Variants in SCAP observed in about 807,000 individuals in gnomAD.
SCAP encodes the protein sterol regulatory element-binding protein cleavage-activating protein.
In SCAP, 65 loss-of-function variants were observed where a neutral mutation model predicts 123.6. That is an observed-to-expected ratio of 0.53 (90% CI 0.43 to 0.65). SCAP has a LOEUF of 0.65. Ranked by LOEUF, SCAP falls within the 30% of genes least tolerant of loss-of-function variation. SCAP has a pLI of 0.00. For synonymous variants in SCAP, 740 were observed against 726.3 expected, an observed-to-expected ratio of 1.02 and a Z score of -0.30; for missense variants, 1,398 against 1,712.5, an observed-to-expected ratio of 0.82 and a Z score of 3.24.
intron 18 of SCAP, 145 bp from the exon 19 acceptor site, chr3:47,415,325 T>C: frequency 3.0e-6 from 2 of 664,370 alleles, no homozygotes; most frequent in Non-Finnish European, 4.9e-6. Flanking sequence ...CCAGAACAGA[T>C]GCTGGAGCCA....
intron 1 of SCAP, among the ~76,000 whole-genome samples, chr3:47,448,829 T>C (rs1295575923): frequency 6.6e-6 from 1 of 152,244 alleles, no homozygotes; most frequent in Non-Finnish European, 1.5e-5. Flanking sequence ...ATCTGTGTCA[T>C]GTTGTGGTTG....
intron 1 of SCAP, among the ~76,000 whole-genome samples, chr3:47,474,413 T>C (rs1003487472): frequency 6.6e-6 from 1 of 152,250 alleles, no homozygotes; most frequent in African/African-American, 2.4e-5. Context: ...TATATTTATA[T>C]AGTGTTTTTT....
chr3:47,436,226 C>T (rs1706571572), intron 2 of SCAP, among the ~76,000 whole-genome samples: 1 of 152,058 alleles, frequency 6.6e-6, no homozygotes, highest in African/African-American at 2.4e-5. Flanking sequence ...AAGGGACAGA[C>T]CATGAAAATT....
chr3:47,470,941 A>G (rs534605084), intron 1 of SCAP, among the ~76,000 whole-genome samples: 2 of 152,314 alleles, frequency 1.3e-5, no homozygotes, highest in African/African-American at 4.8e-5. Context: ...AGTAACACCT[A>G]TCAATTAATA....
chr3:47,451,554 C>T lies in SCAP; in HGVS notation c.-98-8463G>A, dbSNP rs778689239. Among the ~76,000 whole-genome samples the T allele has an allele frequency of 5.0e-5, 6 of 120,202 alleles. 3 individuals are homozygous for T. The highest frequency in any genetic ancestry group is 1.1e-4 in the Non-Finnish European group (6 of 54,910). The allele number at this position is 120,202 out of a possible 152,430, so 78.9% of individuals were successfully genotyped here. ...CTAGGACTATAGGCGTGCACCACCA[C>T]ACCCAACGAAATGTTTGTATTTTTA... On this transcript the variant is annotated intron_variant, in intron 1 of 22. Transcript: ENST00000265565.
At chr3:47,437,167 C>T (rs1041388426) in intron 2 of SCAP, among the ~76,000 whole-genome samples, 2 of 152,090 alleles carry the variant, frequency 1.3e-5, no homozygotes, top group Non-Finnish European at 2.9e-5. Context: ...GGGCCAGGCA[C>T]AGTGGCTCAC....
intron 6 of SCAP, 133 bp from the exon 7 acceptor site, chr3:47,426,302 C>T (rs751632124): frequency 5.5e-5 from 48 of 865,630 alleles, no homozygotes; most frequent in Non-Finnish European, 7.9e-5. Flanking sequence ...TCTATGGTGC[C>T]TGAGCTTCTC....
intron 8 of SCAP, 69 bp downstream of exon 8, chr3:47,425,416 A>T: frequency 6.5e-7 from 1 of 1,528,302 alleles, no homozygotes; most frequent in East Asian, 2.3e-5. Flanking sequence ...GAAGGCCAAG[A>T]ACCCAGAAGT....
rs1705837015 is a variant in SCAP, at chr3:47,420,347, C to G, written c.1563+207G>C. Among the ~76,000 whole-genome samples the G allele has an allele frequency of 6.6e-6, 1 of 152,220 alleles. No homozygotes were observed. The highest frequency in any genetic ancestry group is 2.4e-5 in the African/African-American group (1 of 41,458). Reference sequence around the variant, plus strand: ...GCTCCTGTACCTGAGAACCCTGGAGCTGCTTCTCCCACAGGCTTATCTCCT... The same window carrying G: ...GCTCCTGTACCTGAGAACCCTGGAGGTGCTTCTCCCACAGGCTTATCTCCT... On this transcript the variant is annotated intron_variant, in intron 12 of 22. Transcript: ENST00000265565. The surrounding 1 kb of genome is among the most constrained non-coding windows in gnomAD (Gnocchi z 5.0).
chr3:47,470,391 AAC>A (rs1707985009), intron 1 of SCAP, among the ~76,000 whole-genome samples: 1 of 152,222 alleles, frequency 6.6e-6, no homozygotes, highest in African/African-American at 2.4e-5. Flanking sequence ...GGGATGGAGA[AAC>A]CCAGGTGTAG....
intron 1 of SCAP, among the ~76,000 whole-genome samples, chr3:47,457,689 C>T (rs547405808): frequency 1.1e-4 from 16 of 151,776 alleles, no homozygotes; most frequent in South Asian, 2.1e-4. Flanking sequence ...GGGTGGGTCA[C>T]GAGGTCAGGA....
intron 1 of SCAP, among the ~76,000 whole-genome samples, chr3:47,462,718 A>G (rs1016015286): frequency 1.4e-5 from 2 of 144,872 alleles, no homozygotes; most frequent in African/African-American, 5.1e-5. Flanking sequence ...GCGCCATTGC[A>G]CCCCAGACTG....
intron 2 of SCAP, among the ~76,000 whole-genome samples, chr3:47,441,874 C>CTTT (rs1160447716): frequency 1.1e-3 from 87 of 76,380 alleles, no homozygotes; most frequent in South Asian, 2.2e-3. Flanking sequence ...GTTCATCTTT[C>CTTT]TTTTTTTTTT....
intron 1 of SCAP, among the ~76,000 whole-genome samples, chr3:47,464,135 C>T (rs1707743298): frequency 6.6e-6 from 1 of 152,162 alleles, no homozygotes; most frequent in Non-Finnish European, 1.5e-5. Flanking sequence ...CCTGCCTTAG[C>T]CTCCTGAGTA....
At chr3:47,416,003 G>A (rs144655846) in intron 18 of SCAP, among the ~76,000 whole-genome samples, 119 of 152,330 alleles carry the variant, frequency 7.8e-4, no homozygotes, top group African/African-American at 2.7e-3. Context: ...CAGGCTGGAG[G>A]GGAGGATGTC....
chr3:47,467,415 G>C (rs1707864995), intron 1 of SCAP, among the ~76,000 whole-genome samples: 1 of 151,850 alleles, frequency 6.6e-6, no homozygotes, highest in Non-Finnish European at 1.5e-5. Flanking sequence ...GGCCAGCCTA[G>C]GCAACATGGT....
chr3:47,464,097 C>T (rs1164724822), intron 1 of SCAP, among the ~76,000 whole-genome samples: 2 of 152,118 alleles, frequency 1.3e-5, no homozygotes, highest in Non-Finnish European at 2.9e-5. Flanking sequence ...CTCACTGCAA[C>T]CTCCGCCTCC....
In SCAP at chr3:47,419,599, C is replaced by T. The variant is rs1451076805; in HGVS notation, c.1669G>A (p.Ala557Thr). Residue 557 changes from alanine to threonine, a missense_variant, in exon 13 of 23, where the codon GCC becomes ACC. Coordinates refer to ENST00000265565, the MANE Select transcript of SCAP (RefSeq NM_012235.4). This position sits in a 1 kb window ranked among gnomAD's most constrained non-coding sequence, Gnocchi z 5.0. ...VTEQSPLGEG[A>T]LAPMPVPSGM... is the part of the protein sequence containing the mutation. ...CTAGGCACGGGCATGGGAGCCAGGG[C>T]TCCCTCACCCAATGGGCTCTGTTCC... 2 of 1,605,320 alleles carry T rather than the reference C, an allele frequency of 1.2e-6. No individual in the cohort carries two copies. Among genetic ancestry groups the T allele is most frequent in the Non-Finnish European group, 1.7e-6 (2 of 1,175,188 alleles).
At chr3:47,416,608 C>T (rs1024564927) in intron 18 of SCAP, among the ~76,000 whole-genome samples, 6 of 148,952 alleles carry the variant, frequency 4.0e-5, no homozygotes, top group African/African-American at 1.5e-4. Context: ...ACGTCACACC[C>T]CTAACGCTTT....
Sources: gnomAD v4.1 joint callset for allele counts (sites outside exome capture counted in the v4.1 genomes callset) on GRCh38, gnomAD v4.1.1 for gene constraint, Gnocchi (gnomAD v3.1) non-coding constraint, MANE v1.5 for transcripts, NCBI Gene and HGNC (gene_info 2026-07-23, HGNC 2026-07-21) for gene names.